The following STXBP5L variants were observed in gnomAD, a reference collection of about 807,000 sequenced individuals.
The protein encoded by STXBP5L is syntaxin binding protein 5L, also known as syntaxin-binding protein 5-like.
Under a neutral mutation model 144.5 loss-of-function variants are expected in STXBP5L, and 65 were observed. That is an observed-to-expected ratio of 0.45 (90% CI 0.37 to 0.55). The LOEUF (loss-of-function observed/expected upper bound fraction) is 0.55, where lower values mean the gene tolerates loss of function less well. STXBP5L is among the 20% of genes least tolerant of loss of function. STXBP5L has a pLI of 0.00. For missense variants in STXBP5L, 1,298 were observed against 1,405.5 expected (o/e 0.92, Z 1.22); for synonymous variants, 505 against 469.6 (o/e 1.08, Z -0.97).
At chr3:121,229,859 C>A (rs2049246090) in intron 11 of STXBP5L, among the ~76,000 whole-genome samples, 1 of 152,024 alleles carries the variant, frequency 6.6e-6, no homozygotes, top group African/African-American at 2.4e-5. Context: ...TGGCCAAGAG[C>A]CATTTTATAA....
chr3:121,356,132 T>C (rs564468247), intron 20 of STXBP5L, among the ~76,000 whole-genome samples: 4 of 152,360 alleles, frequency 2.6e-5, no homozygotes, highest in African/African-American at 9.6e-5. Flanking sequence ...GTCTGCCAGT[T>C]AGGCTGAACA....
intron 10 of STXBP5L, among the ~76,000 whole-genome samples, chr3:121,209,855 C>T (rs2048486888): frequency 6.6e-6 from 1 of 152,156 alleles, no homozygotes; most frequent in Middle Eastern, 3.2e-3. Context: ...GGGTTGGCTC[C>T]AAGTCTTTGC....
At chr3:121,030,898 T>A (rs1369410341) in intron 3 of STXBP5L, among the ~76,000 whole-genome samples, 3 of 152,152 alleles carry the variant, frequency 2.0e-5, no homozygotes, top group Non-Finnish European at 4.4e-5. Flanking sequence ...GGGAGTTTAT[T>A]AAATGGATAT....
At chr3:121,094,510 C>A (rs888308127) in intron 5 of STXBP5L, among the ~76,000 whole-genome samples, 2 of 151,876 alleles carry the variant, frequency 1.3e-5, no homozygotes, top group Admixed American at 1.3e-4. Flanking sequence ...TGAATTAGTC[C>A]CTTTACCATT....
At chr3:121,194,069 G>C (rs751497344) in intron 9 of STXBP5L, among the ~76,000 whole-genome samples, 2 of 151,990 alleles carry the variant, frequency 1.3e-5, no homozygotes, top group Non-Finnish European at 2.9e-5. Flanking sequence ...CCCATTTAAA[G>C]TATATGATTC....
chr3:120,968,484 G>C (rs970869843), intron 3 of STXBP5L, among the ~76,000 whole-genome samples: 1 of 152,026 alleles, frequency 6.6e-6, no homozygotes, highest in Non-Finnish European at 1.5e-5. Flanking sequence ...TTCAGTTTGT[G>C]CATGTCTATA....
chr3:120,921,137 A>T (rs1576420142), intron 2 of STXBP5L, among the ~76,000 whole-genome samples: 1 of 151,842 alleles, frequency 6.6e-6, no homozygotes, highest in Middle Eastern at 3.4e-3. Flanking sequence ...GCCAGCATTC[A>T]TTATTACCTG....
chr3:120,949,073 A>AT (rs1180486410), intron 2 of STXBP5L, among the ~76,000 whole-genome samples: 2 of 151,690 alleles, frequency 1.3e-5, no homozygotes, highest in Non-Finnish European at 2.9e-5. Flanking sequence ...AACATCTATT[A>AT]TTTTTTGATT....
Position 121,167,498 on chromosome 3 carries a change from G to A in STXBP5L, c.877+9871G>A, listed in dbSNP as rs991512301. Among the ~76,000 whole-genome samples the A allele has an allele frequency of 4.6e-5, 7 of 152,180 alleles. No individual in the cohort carries two copies. The East Asian group carries it at 7.7e-4, about 17-fold the overall frequency. On this transcript the variant is annotated intron_variant, in intron 9 of 26. Coordinates refer to ENST00000471454, the MANE Select transcript of STXBP5L (RefSeq NM_001308330.2). ...ATAGATCCCACTTTAGGGAAGTGGC[G>A]TCTGCAATTTTTCTGAGGCTTGAGT... is the stretch of plus-strand genomic sequence containing the variant.
At chr3:121,398,527 A>G (rs556584735) in intron 22 of STXBP5L, among the ~76,000 whole-genome samples, 11 of 152,190 alleles carry the variant, frequency 7.2e-5, no homozygotes, top group Non-Finnish European at 8.8e-5. Context: ...GCTTAGCCCA[A>G]TGTTTTCCTT....
intron 9 of STXBP5L, among the ~76,000 whole-genome samples, chr3:121,199,742 A>C (rs1443727212): frequency 6.6e-6 from 1 of 152,100 alleles, no homozygotes; most frequent in Non-Finnish European, 1.5e-5. Flanking sequence ...TGAGATAATC[A>C]TGTGGTTTTT....
intron 19 of STXBP5L, among the ~76,000 whole-genome samples, chr3:121,286,958 G>A (rs973256248): frequency 2.6e-5 from 4 of 152,098 alleles, no homozygotes; most frequent in Non-Finnish European, 2.9e-5. Context: ...TTTTAGGCTG[G>A]GAGATGAAGA....
intron 5 of STXBP5L, among the ~76,000 whole-genome samples, chr3:121,107,453 T>G (rs1208829321): frequency 6.6e-6 from 1 of 152,108 alleles, no homozygotes; most frequent in African/African-American, 2.4e-5. Flanking sequence ...GTTCTCCCAG[T>G]GCCATATATT....
intron 19 of STXBP5L, among the ~76,000 whole-genome samples, chr3:121,291,353 G>A (rs1180658676): frequency 6.6e-6 from 1 of 152,038 alleles, no homozygotes; most frequent in Non-Finnish European, 1.5e-5. Flanking sequence ...AACTAAGGAG[G>A]TGAACGATCT....
At chr3:121,084,378 G>T (rs574922060) in intron 5 of STXBP5L, among the ~76,000 whole-genome samples, 1 of 151,920 alleles carries the variant, frequency 6.6e-6, no homozygotes, top group Non-Finnish European at 1.5e-5. Flanking sequence ...CCCTCAACAG[G>T]CCCCAGTGTG....
intron 5 of STXBP5L, among the ~76,000 whole-genome samples, chr3:121,093,183 A>T (rs1384542606): frequency 6.6e-6 from 1 of 152,200 alleles, no homozygotes; most frequent in Non-Finnish European, 1.5e-5. Context: ...CCAGTATTTT[A>T]TTGAGGATTT....
chr3:120,978,635 T>G (rs1941373280), intron 3 of STXBP5L, among the ~76,000 whole-genome samples: 1 of 150,926 alleles, frequency 6.6e-6, no homozygotes, highest in South Asian at 2.1e-4. Flanking sequence ...TTTTTAGAGT[T>G]TCCAGTTTTT....
intron 3 of STXBP5L, among the ~76,000 whole-genome samples, chr3:121,037,365 A>T (rs1946834202): frequency 6.6e-6 from 1 of 151,288 alleles, no homozygotes; most frequent in African/African-American, 2.4e-5. Context: ...TTCTTGCCTC[A>T]CCGTCCTTAC....
chr3:121,033,087 A>T (rs1486006716), intron 3 of STXBP5L, among the ~76,000 whole-genome samples: 2 of 70,084 alleles, frequency 2.9e-5, no homozygotes, highest in African/African-American at 1.2e-4. Flanking sequence ...TACCCAAATG[A>T]CTATAAATCA....
Sources: allele counts gnomAD v4.1 joint callset (sites outside exome capture counted in the v4.1 genomes callset), GRCh38; gene constraint gnomAD v4.1.1; transcripts MANE v1.5; gene names NCBI Gene and HGNC (gene_info 2026-07-23, HGNC 2026-07-21).